Variants in HAUS7 observed in about 807,000 individuals in gnomAD.
HAUS7 encodes the protein HAUS augmin-like complex subunit 7.
A neutral mutation model predicts 28.4 loss-of-function variants in HAUS7; 3 were observed. The ratio of observed to expected loss-of-function variants is 0.11; its 90% CI spans 0.05 to 0.27. The LOEUF is 0.27. HAUS7 is among the 10% of genes least tolerant of loss of function. The pLI is 1.00. For synonymous variants in HAUS7, 165 were observed against 132.1 expected (o/e 1.25, Z -1.71); for missense variants, 284 against 297.3 (o/e 0.96, Z 0.33).
chrX:153,457,526 G>A (rs782673089), intron 4 of HAUS7, among the ~76,000 whole-genome samples: 1 of 113,393 alleles, frequency 8.8e-6, no homozygotes, highest in South Asian at 3.6e-4. Flanking sequence ...GGCTTGCTGG[G>A]TGGGCAGGCA....
At chrX:153,460,643 A>T (rs1163877784) in intron 4 of HAUS7, among the ~76,000 whole-genome samples, 1 of 111,611 alleles carries the variant, frequency 9.0e-6, no homozygotes, top group Non-Finnish European at 1.9e-5. Context: ...GATTTTACGT[A>T]AAGTGCACTT....
upstream of HAUS7, among the ~76,000 whole-genome samples, chrX:153,475,317 C>A (rs2089556009): frequency 9.0e-6 from 1 of 111,703 alleles, no homozygotes; most frequent in African/African-American, 3.3e-5. Flanking sequence ...CTGGCACCCT[C>A]CACCCCATCC....
intron 2 of HAUS7, among the ~76,000 whole-genome samples, chrX:153,466,972 G>A (rs2089462314): frequency 8.9e-6 from 1 of 111,945 alleles, no homozygotes; most frequent in African/African-American, 3.2e-5. Flanking sequence ...TTTTGGATAT[G>A]GGACACTCAA....
chrX:153,471,058 C>T (rs1165075699), upstream of HAUS7: 3 of 317,914 alleles, frequency 9.4e-6, no homozygotes, highest in East Asian at 3.0e-4. Flanking sequence ...CCAGGAGGAC[C>T]AAGGGGAGCC....
At chrX:153,474,346 C>T (rs1276741540), upstream of HAUS7, among the ~76,000 whole-genome samples, 1 of 112,213 alleles carries the variant, frequency 8.9e-6, no homozygotes, top group South Asian at 3.7e-4. Context: ...CCCCAGGCCA[C>T]CAGCTCCTGC....
chrX:153,480,656 G>A (rs2089593980), intron 1 of HAUS7: 15 of 754,765 alleles, frequency 2.0e-5, no homozygotes, highest in Non-Finnish European at 2.3e-5. Context: ...TGCGGGATCA[G>A]CCCACCCCGA....
intron 2 of HAUS7, among the ~76,000 whole-genome samples, chrX:153,467,123 G>C (rs2089463810): frequency 9.0e-6 from 1 of 110,786 alleles, no homozygotes; most frequent in African/African-American, 3.3e-5. Context: ...CTCCTCCTGG[G>C]AGCTCGCTCA....
intron 2 of HAUS7, among the ~76,000 whole-genome samples, chrX:153,467,705 C>T (rs189866357): frequency 1.7e-3 from 186 of 112,723 alleles, no homozygotes; most frequent in African/African-American, 5.6e-3. Context: ...GTCTGCAGCG[C>T]GTGGAATGGC....
intron 1 of HAUS7, chrX:153,481,599 G>C (rs782483677): frequency 1.3e-6 from 1 of 756,086 alleles, no homozygotes; most frequent in East Asian, 1.5e-4. Flanking sequence ...TCAAGATGAA[G>C]CATGTCCCTG....
At position 153,455,684 on chromosome X, in the gene HAUS7, G is replaced by C. The variant is rs1334283821; in HGVS notation, c.788C>G (p.Ser263Cys). The C allele has an allele frequency of 4.1e-6, 5 of 1,204,972 alleles. No individual in the cohort carries two copies. Among genetic ancestry groups the C allele is most frequent in the African/African-American group, 1.7e-5 (1 of 57,793 alleles). Residue 263 changes from serine (S) to cysteine (C), a missense_variant, in exon 8 of 10, where the codon TCC (serine) becomes TGC (cysteine). Physicochemically the swap from Ser to Cys is moderately radical, Grantham distance 112 (BLOSUM62 -1). Transcript: ENST00000370211. The stretch of plus-strand genomic sequence containing the variant: ...AGCCAAGATTAGCTGGTGGAAGTCG[G>C]AAGTGACCAGACGCAGCTTCTGGTC... ...TLDQKLRLVT[S>C]DFHQLILAFL...
At chrX:153,485,890 G>A in intron 1 of HAUS7, 1 of 933,079 alleles carries the variant, frequency 1.1e-6, no homozygotes, top group Non-Finnish European at 1.4e-6. Context: ...CTGGCTACGC[G>A]TTCGCGCACA....
At chrX:153,481,429 G>T in intron 1 of HAUS7, 1 of 755,024 alleles carries the variant, frequency 1.3e-6, no homozygotes, top group South Asian at 6.7e-5. Context: ...CCAGGGTGGC[G>T]GCGGCAGCAC....
In HAUS7 at chrX:153,462,623, T is replaced by C; in HGVS notation, c.341A>G (p.Gln114Arg). The C allele has an allele frequency of 3.3e-6, 4 of 1,203,257 alleles. No individual in the cohort carries two copies. The highest frequency in any genetic ancestry group is 3.4e-6 in the Non-Finnish European group (3 of 887,217). Residue 114 changes from glutamine (Q) to arginine (R), a missense_variant, in exon 4 of 10, where the codon CAG becomes CGG. Gln to Arg is a conservative substitution (Grantham distance 43). Coordinates refer to ENST00000370211, the MANE Select transcript of HAUS7 (RefSeq NM_001385482.1). ...AGGCCCTCTTACCTTGAGGAGCTCC[T>C]GGTCATCTGGCGCACACAGCATCAG... Reference protein sequence around the residue: ...HELMLCAPDDQELLKGCACAQ... With the variant: ...HELMLCAPDDRELLKGCACAQ...
chrX:153,473,698 G>A (rs1313554621), upstream of HAUS7, among the ~76,000 whole-genome samples: 1 of 112,894 alleles, frequency 8.9e-6, no homozygotes, highest in Non-Finnish European at 1.9e-5. Flanking sequence ...ATGTGACAGA[G>A]TAATGAGGTC....
chrX:153,456,374 G>C lies in HAUS7; in HGVS notation c.606-10C>G, dbSNP rs782108921. ...GGCAGAGGCACTGGCCCTGCAGGGA[G>C]AGAAAGGGAACACTTGCAACTCACC... On this transcript the variant is annotated splice_polypyrimidine_tract_variant and intron_variant, in intron 6 of 9. Coordinates refer to ENST00000370211, the MANE Select transcript of HAUS7 (RefSeq NM_001385482.1). The C allele has an allele frequency of 3.3e-6, 4 of 1,198,794 alleles. No individual in the cohort carries two copies. Among genetic ancestry groups the C allele is most frequent in the Non-Finnish European group, 4.5e-6 (4 of 883,841 alleles).
chrX:153,449,521 C>T (rs2089211566), intron 9 of HAUS7, among the ~76,000 whole-genome samples: 1 of 112,812 alleles, frequency 8.9e-6, no homozygotes, highest in Non-Finnish European at 1.9e-5. Flanking sequence ...ACCTCCATCC[C>T]GGCCTTCCTG....
intron 1 of HAUS7, among the ~76,000 whole-genome samples, chrX:153,490,840 GC>G (rs1296246635): frequency 2.7e-5 from 3 of 112,359 alleles, no homozygotes; most frequent in Admixed American, 9.4e-5. Flanking sequence ...AGCTCTCCCT[GC>G]CCCCCAGTCT....
intron 1 of HAUS7, chrX:153,485,912 C>A (rs1332146369): frequency 2.1e-6 from 2 of 950,514 alleles, no homozygotes; most frequent in Admixed American, 3.4e-5. Flanking sequence ...GAAGCCAGGC[C>A]TAGAGTTCCT....
At chrX:153,454,753 C>T (rs1313783276) in intron 8 of HAUS7, 4 of 540,713 alleles carry the variant, frequency 7.4e-6, no homozygotes, top group East Asian at 3.6e-5. Flanking sequence ...TCATGTCGCT[C>T]TGGCAACCCT....
Sources: allele counts gnomAD v4.1 joint callset (sites outside exome capture counted in the v4.1 genomes callset), GRCh38; gene constraint gnomAD v4.1.1; transcripts MANE v1.5; gene names NCBI Gene and HGNC (gene_info 2026-07-23, HGNC 2026-07-21).